USH2A: variants seen among roughly 807,000 people sequenced by gnomAD.
The protein encoded by USH2A is usherin, also known as Usher syndrome 2A (autosomal recessive, mild).
A neutral mutation model predicts 538.9 loss-of-function variants in USH2A; 443 were observed. That is an observed-to-expected ratio of 0.82 (90% CI 0.76 to 0.89). The LOEUF is 0.89. USH2A is among the 40% of genes least tolerant of loss of function. The pLI, the probability that USH2A is intolerant of heterozygous loss-of-function variation, is 0.00. For missense variants in USH2A, 6,633 were observed against 6,324.8 expected, an observed-to-expected ratio of 1.05 and a Z score of -1.65; for synonymous variants, 2,413 against 2,273.5, an observed-to-expected ratio of 1.06 and a Z score of -1.75.
intron 44 of USH2A, among the ~76,000 whole-genome samples, chr1:215,854,895 C>T (rs995201156): frequency 6.6e-6 from 1 of 152,190 alleles, no homozygotes; most frequent in Non-Finnish European, 1.5e-5. Context: ...ATGCCTTGCC[C>T]CCAGGTAGCC....
At chr1:216,395,429 C>T (rs1216525657) in intron 3 of USH2A, among the ~76,000 whole-genome samples, 1 of 152,022 alleles carries the variant, frequency 6.6e-6, no homozygotes, top group Non-Finnish European at 1.5e-5. Context: ...TATTAGCTAC[C>T]CTTAGAAATT....
chr1:216,006,387 A>G (rs912720622), intron 32 of USH2A, among the ~76,000 whole-genome samples: 2 of 152,190 alleles, frequency 1.3e-5, no homozygotes, highest in East Asian at 3.9e-4. Context: ...CATTTCCCTC[A>G]TCAATGAAAT....
chr1:216,350,692 G>A (rs2038264797), intron 4 of USH2A, among the ~76,000 whole-genome samples: 2 of 152,094 alleles, frequency 1.3e-5, no homozygotes, highest in Non-Finnish European at 2.9e-5. Context: ...CTCTGACTTT[G>A]CAGGGCTTAG....
At chr1:216,277,662 T>A (rs1168811895) in intron 11 of USH2A, among the ~76,000 whole-genome samples, 1 of 152,112 alleles carries the variant, frequency 6.6e-6, no homozygotes, top group Non-Finnish European at 1.5e-5. Context: ...AGTACACAAA[T>A]GTAGCTGCAA....
chr1:215,984,228 G>T (rs1667819179), intron 35 of USH2A, among the ~76,000 whole-genome samples: 1 of 152,204 alleles, frequency 6.6e-6, no homozygotes, highest in Admixed American at 6.5e-5. Context: ...CTATTATATT[G>T]TACCATATTG....
intron 35 of USH2A, among the ~76,000 whole-genome samples, chr1:215,987,822 T>C (rs1242677570): frequency 6.6e-6 from 1 of 152,224 alleles, no homozygotes; most frequent in Admixed American, 6.5e-5. Context: ...GAAAGATGTT[T>C]GCACCATATT....
At chr1:215,868,906 G>A (rs1664553332) in intron 43 of USH2A, among the ~76,000 whole-genome samples, 1 of 152,148 alleles carries the variant, frequency 6.6e-6, no homozygotes, top group African/African-American at 2.4e-5. Context: ...AATACAAACT[G>A]GTTTGCAACT....
chr1:216,079,889 C>T (rs2031879327), intron 26 of USH2A: 1 of 151,950 alleles, frequency 6.6e-6, no homozygotes, highest in South Asian at 2.1e-4. Context: ...CTCATTAGGA[C>T]CTGGTAAAAA....
In USH2A at chr1:216,175,395, C is replaced by T; in HGVS notation, c.4484G>A (p.Gly1495Glu). Residue 1495 changes from glycine to glutamate, a missense_variant, in exon 21 of 72, where the codon GGA becomes GAA. Coordinates refer to ENST00000307340, the MANE Select transcript of USH2A (RefSeq NM_206933.4). ...LRWFPPEELN[G>E]PSPIYQLERR... Reference sequence around the variant, plus strand: ...TTCCAGCTGATATATAGGAGAGGGTCCATTCAGTTCTTCAGGTGGAAACCA... The same window carrying T: ...TTCCAGCTGATATATAGGAGAGGGTTCATTCAGTTCTTCAGGTGGAAACCA... The T allele has an allele frequency of 6.2e-7, 1 of 1,613,688 alleles. No individual in the cohort carries two copies. The highest frequency in any genetic ancestry group is 1.3e-5 in the African/African-American group (1 of 75,004).
At chr1:215,707,627 C>CA (rs1332022117) in intron 61 of USH2A, among the ~76,000 whole-genome samples, 3 of 151,918 alleles carry the variant, frequency 2.0e-5, no homozygotes, top group Non-Finnish European at 4.4e-5. Context: ...AAACTCTCAG[C>CA]AAAAAAATAA....
At chr1:216,236,350 T>C (rs1244988690) in intron 13 of USH2A, among the ~76,000 whole-genome samples, 1 of 152,124 alleles carries the variant, frequency 6.6e-6, no homozygotes. Context: ...CTTTACTACT[T>C]CTCTATATTG....
At chr1:216,084,405 C>T (rs2032053373) in intron 25 of USH2A, among the ~76,000 whole-genome samples, 1 of 152,124 alleles carries the variant, frequency 6.6e-6, no homozygotes. Context: ...TAACTGCATT[C>T]TAGTTTCCAA....
intron 60 of USH2A, among the ~76,000 whole-genome samples, chr1:215,732,448 A>G (rs1230554779): frequency 6.7e-6 from 1 of 149,476 alleles, no homozygotes; most frequent in Non-Finnish European, 1.5e-5. Context: ...ATAGTTTCTT[A>G]TATTCCATTA....
At chr1:216,313,993 T>C (rs753246419) in intron 9 of USH2A, among the ~76,000 whole-genome samples, 27 of 152,332 alleles carry the variant, frequency 1.8e-4, no homozygotes, top group Non-Finnish European at 3.1e-4. Context: ...TTCTGGCTGC[T>C]TGGTCTTTGG....
At position 216,323,513 on chromosome 1, in the gene USH2A, T is replaced by C. The variant is rs753359038; in HGVS notation, c.1511A>G (p.His504Arg). ...YTTETAVNLRHRYYAVDEITI... is the reference protein window; with the variant it reads ...YTTETAVNLRRRYYAVDEITI... ...GATTTCGTCCACTGCATAATATCTG[T>C]GTCTGAGGTTAACAGCAGTCTCAGT... Residue 504 changes from histidine to arginine, a missense_variant, in exon 8 of 72, where the codon CAC becomes CGC. By Grantham distance (29) the His-to-Arg change is conservative (BLOSUM62 0). Coordinates refer to ENST00000307340, the MANE Select transcript of USH2A (RefSeq NM_206933.4). The C allele has an allele frequency of 5.6e-6, 9 of 1,613,508 alleles. No homozygotes were observed. Among genetic ancestry groups the C allele is most frequent in the South Asian group, 1.1e-5 (1 of 91,074 alleles).
chr1:216,079,100 T>C (rs1371200406), intron 26 of USH2A: 1 of 152,178 alleles, frequency 6.6e-6, no homozygotes, highest in Non-Finnish European at 1.5e-5. Context: ...ATATGATATT[T>C]AAAATCTTGA....
intron 30 of USH2A, among the ~76,000 whole-genome samples, chr1:216,061,891 T>C (rs12126435): frequency 6.6e-6 from 1 of 151,960 alleles, no homozygotes; most frequent in African/African-American, 2.4e-5. Flanking sequence ...AAGCTGAAAC[T>C]GTAGGGTGGC....
At chr1:215,662,212 T>C (rs989884997) in intron 64 of USH2A, among the ~76,000 whole-genome samples, 3 of 152,224 alleles carry the variant, frequency 2.0e-5, no homozygotes, top group Admixed American at 6.5e-5. Context: ...GCCTTTGTTT[T>C]CATGGCCATC....
intron 3 of USH2A, among the ~76,000 whole-genome samples, chr1:216,402,388 C>T (rs894561516): frequency 2.6e-5 from 4 of 152,040 alleles, no homozygotes; most frequent in Admixed American, 6.6e-5. Context: ...ACTGAATGCA[C>T]ATGAAAATAT....
Sources: allele counts gnomAD v4.1 joint callset (sites outside exome capture counted in the v4.1 genomes callset), GRCh38; gene constraint gnomAD v4.1.1; transcripts MANE v1.5; gene names NCBI Gene and HGNC (gene_info 2026-07-23, HGNC 2026-07-21).